Variants in SEMA3A observed in about 807,000 individuals in gnomAD.
The protein encoded by SEMA3A is semaphorin 3A.
A neutral mutation model predicts 97.9 loss-of-function variants in SEMA3A; 29 were observed. The observed-to-expected ratio is 0.30, with a 90% CI of 0.22 to 0.40. The LOEUF is 0.40. SEMA3A is among the 10% of genes least tolerant of loss of function. The pLI is 1.00. For missense variants in SEMA3A, 763 were observed against 951.3 expected (o/e 0.80, Z 2.60); for synonymous variants, 321 against 323.7 (o/e 0.99, Z 0.09).
chr7:84,290,214 TA>T, intron 3 of SEMA3A, among the ~76,000 whole-genome samples: 1 of 152,196 alleles, frequency 6.6e-6, no homozygotes, highest in Non-Finnish European at 1.5e-5. Context: ...ATTGTATACT[TA>T]AAATTGGTGA....
chr7:84,026,743 A>T (rs1280087276), intron 6 of SEMA3A, among the ~76,000 whole-genome samples: 1 of 152,216 alleles, frequency 6.6e-6, no homozygotes, highest in Non-Finnish European at 1.5e-5. Context: ...AAACTAACAC[A>T]GGAACAGAAA....
At chr7:84,129,054 A>C in intron 3 of SEMA3A, 69 bp downstream of exon 3, 1 of 1,217,176 alleles carries the variant, frequency 8.2e-7, no homozygotes, top group Non-Finnish European at 1.2e-6. Context: ...AATTTGAAAC[A>C]CTTTTGTCCC....
intron 7 of SEMA3A, among the ~76,000 whole-genome samples, chr7:84,012,328 A>T (rs1336728679): frequency 6.6e-6 from 1 of 152,204 alleles, no homozygotes; most frequent in Admixed American, 6.5e-5. Flanking sequence ...CAGTAAATAT[A>T]TACAATTCTT....
intron 6 of SEMA3A, among the ~76,000 whole-genome samples, chr7:84,035,992 T>G (rs368236707): frequency 1.3e-5 from 2 of 152,212 alleles, no homozygotes; most frequent in African/African-American, 4.8e-5. Flanking sequence ...ATTTCTTGTT[T>G]TGAACTCTCT....
At chr7:84,313,714 A>G (rs1346385113) in intron 2 of SEMA3A, among the ~76,000 whole-genome samples, 1 of 151,860 alleles carries the variant, frequency 6.6e-6, no homozygotes, top group Admixed American at 6.6e-5. Context: ...ACAGAATCCA[A>G]TTTTGAAAGT....
intron 3 of SEMA3A, among the ~76,000 whole-genome samples, chr7:84,125,861 G>A (rs1795777874): frequency 6.6e-6 from 1 of 152,144 alleles, no homozygotes; most frequent in South Asian, 2.1e-4. Flanking sequence ...AAATATGCTT[G>A]ACTGGGTTGA....
intron 5 of SEMA3A, among the ~76,000 whole-genome samples, chr7:84,051,048 T>C (rs1351664880): frequency 1.3e-5 from 2 of 151,836 alleles, no homozygotes; most frequent in African/African-American, 2.4e-5. Flanking sequence ...CGGAGGGCTC[T>C]GTTCTGTTCC....
At chr7:84,393,835 C>A (rs1803654465) in intron 1 of SEMA3A, among the ~76,000 whole-genome samples, 1 of 152,070 alleles carries the variant, frequency 6.6e-6, no homozygotes, top group Non-Finnish European at 1.5e-5. Context: ...AATGGTGGAA[C>A]TACTGTAGGT....
At chr7:84,222,284 T>C (rs548853712) in intron 3 of SEMA3A, among the ~76,000 whole-genome samples, 1 of 152,114 alleles carries the variant, frequency 6.6e-6, no homozygotes, top group East Asian at 1.9e-4. Context: ...AAATATCATG[T>C]CCTATCTTCA....
intron 5 of SEMA3A, among the ~76,000 whole-genome samples, chr7:84,050,717 G>C (rs1267220890): frequency 6.6e-6 from 1 of 152,272 alleles, no homozygotes; most frequent in Non-Finnish European, 1.5e-5. Flanking sequence ...AGTTTAATTA[G>C]ATCCCATTTG....
At chr7:84,381,458 A>C (rs1803257606) in intron 1 of SEMA3A, among the ~76,000 whole-genome samples, 1 of 152,236 alleles carries the variant, frequency 6.6e-6, no homozygotes, top group Admixed American at 6.5e-5. Flanking sequence ...AATTACTTCA[A>C]GAATGAGGAC....
At chr7:84,415,098 A>G (rs1470387038) in intron 1 of SEMA3A, among the ~76,000 whole-genome samples, 1 of 152,150 alleles carries the variant, frequency 6.6e-6, no homozygotes, top group Admixed American at 6.6e-5. Context: ...ATATTAAGAT[A>G]GTATTGCTGG....
In SEMA3A at chr7:84,207,830, A is replaced by G. The variant is rs573986137; in HGVS notation, c.-82-13162T>C. 3.1e-4 allele frequency among the ~76,000 whole-genome samples: 47 copies of G among 152,222 alleles called. 1 individual carries two copies. Among genetic ancestry groups the G allele is most frequent in the Non-Finnish European group, 5.1e-4 (35 of 68,008 alleles). ...CGGGTTTCCCTGCAATTGAGCTGCA[A>G]TAAAGAAAGACTGCTGTGAGAGAAT... On this transcript the variant is annotated intron_variant, in intron 3 of 3. Coordinates refer to the SEMA3A transcript ENST00000424555.
intron 3 of SEMA3A, among the ~76,000 whole-genome samples, chr7:84,255,553 T>C (rs1284903046): frequency 6.6e-6 from 1 of 152,132 alleles, no homozygotes; most frequent in Non-Finnish European, 1.5e-5. Context: ...TGGATAGTCT[T>C]TGGTGAGTAT....
chr7:84,213,051 C>A (rs1388071064), intron 3 of SEMA3A, among the ~76,000 whole-genome samples: 1 of 152,124 alleles, frequency 6.6e-6, no homozygotes, highest in South Asian at 2.1e-4. Flanking sequence ...GCAACCTCTG[C>A]CTACAGGATT....
At chr7:83,977,864 C>T (rs1175040154) in intron 14 of SEMA3A, among the ~76,000 whole-genome samples, 4 of 146,416 alleles carry the variant, frequency 2.7e-5, no homozygotes, top group East Asian at 2.0e-4. Flanking sequence ...AGTGCAGTGG[C>T]GTGATCTCGG....
chr7:83,988,129 T>G (rs2116337164), intron 12 of SEMA3A, among the ~76,000 whole-genome samples: 1 of 152,314 alleles, frequency 6.6e-6, no homozygotes, highest in East Asian at 1.9e-4. Context: ...CTCCAGCCAC[T>G]CCTAACATAT....
At chr7:84,222,879 C>G (rs978085747) in intron 3 of SEMA3A, among the ~76,000 whole-genome samples, 5 of 151,832 alleles carry the variant, frequency 3.3e-5, no homozygotes, top group Admixed American at 2.6e-4. Flanking sequence ...TACATAGAAA[C>G]TTGCTCATTC....
intron 1 of SEMA3A, among the ~76,000 whole-genome samples, chr7:84,403,329 G>T (rs1445254582): frequency 6.6e-6 from 1 of 152,200 alleles, no homozygotes; most frequent in Non-Finnish European, 1.5e-5. Flanking sequence ...CAAACTGCAA[G>T]GTGGCAGCGA....
Sources: allele counts gnomAD v4.1 joint callset (sites outside exome capture counted in the v4.1 genomes callset), GRCh38; gene constraint gnomAD v4.1.1; transcripts MANE v1.5; gene names NCBI Gene and HGNC (gene_info 2026-07-23, HGNC 2026-07-21).